POU6F2: variants seen among roughly 807,000 people sequenced by gnomAD.
The protein encoded by POU6F2 is POU class 6 homeobox 2.
A neutral mutation model predicts 71.3 loss-of-function variants in POU6F2; 31 were observed. The ratio of observed to expected loss-of-function variants is 0.43; its 90% CI spans 0.33 to 0.59. The LOEUF is 0.59. Ranked by LOEUF, POU6F2 falls within the 20% of genes least tolerant of loss-of-function variation. The probability of loss-of-function intolerance (pLI) is 0.04; values close to 1 mark genes in which losing one functional copy is unlikely to be tolerated. For missense variants in POU6F2, 783 were observed against 856.8 expected, an observed-to-expected ratio of 0.91 and a Z score of 1.07; for synonymous variants, 347 against 355.7, an observed-to-expected ratio of 0.98 and a Z score of 0.27.
At chr7:39,462,318 T>C (rs1022799774) in intron 9 of POU6F2, among the ~76,000 whole-genome samples, 3 of 152,200 alleles carry the variant, frequency 2.0e-5, no homozygotes, top group Non-Finnish European at 4.4e-5. Context: ...GAGATCGTTT[T>C]AGGAGCTATC....
In POU6F2 at chr7:39,207,745, A is replaced by G. The variant is rs1462083332; in HGVS notation, c.598+125A>G. ...CAGAGTTGCTTCTGCCCTAAATGAT[A>G]TGGAAGGCTTCCACAGGAAGCAAAA... On this transcript the variant is annotated intron_variant, in intron 4 of 9. Coordinates refer to ENST00000518318, the MANE Select transcript of POU6F2 (RefSeq NM_001370959.1). 3.4e-6 allele frequency: 3 copies of G among 878,332 alleles called. No homozygotes were observed. The East Asian group carries it at 8.0e-5, about 23-fold the overall frequency. The allele number at this position is 878,332 out of a possible 1,614,324, so 54.4% of individuals were successfully genotyped here. A position where few individuals can be genotyped will look rare whatever the true frequency, so the allele number is the denominator to read the frequency against.
chr7:39,109,222 G>A (rs4543451), intron 2 of POU6F2, among the ~76,000 whole-genome samples: 2,306 of 152,114 alleles, frequency 0.015, 54 homozygotes, highest in African/African-American at 0.047. Context: ...CTAATTTTTT[G>A]TAGAGACTTT....
chr7:39,248,911 C>T (rs571245038), intron 4 of POU6F2, among the ~76,000 whole-genome samples: 11 of 152,262 alleles, frequency 7.2e-5, no homozygotes, highest in African/African-American at 2.6e-4. Context: ...CTCACACTGC[C>T]CCTGGGACAT....
chr7:38,992,098 A>G (rs1169613373), intron 1 of POU6F2, among the ~76,000 whole-genome samples: 1 of 152,148 alleles, frequency 6.6e-6, no homozygotes, highest in Non-Finnish European at 1.5e-5. Flanking sequence ...CTCTAGAGGT[A>G]TGTCCTGGCC....
intron 6 of POU6F2, among the ~76,000 whole-genome samples, chr7:39,419,810 T>C (rs1342165161): frequency 6.6e-6 from 1 of 152,134 alleles, no homozygotes; most frequent in African/African-American, 2.4e-5. Context: ...GCCCACACAT[T>C]AGTGACCGGG....
chr7:38,997,856 T>C, intron 1 of POU6F2, among the ~76,000 whole-genome samples: 1 of 152,212 alleles, frequency 6.6e-6, no homozygotes, highest in African/African-American at 2.4e-5. Flanking sequence ...TTAGAATTTT[T>C]AGAGGAAAGA....
intron 6 of POU6F2, among the ~76,000 whole-genome samples, chr7:39,430,189 C>T (rs565258238): frequency 1.3e-5 from 2 of 152,302 alleles, no homozygotes; most frequent in Admixed American, 6.5e-5. Flanking sequence ...GGGAATATGA[C>T]GAAATTCCCC....
At chr7:39,257,394 G>GA (rs5883680) in intron 4 of POU6F2, among the ~76,000 whole-genome samples, 1 of 151,826 alleles carries the variant, frequency 6.6e-6, no homozygotes, top group Admixed American at 6.6e-5. Context: ...TTTTTGAAGG[G>GA]AAAAAAAATC....
chr7:39,040,695 T>C (rs1226512155), intron 1 of POU6F2, among the ~76,000 whole-genome samples: 1 of 151,994 alleles, frequency 6.6e-6, no homozygotes, highest in Non-Finnish European at 1.5e-5. Flanking sequence ...AATCATTTAT[T>C]ATTTTTCAAT....
chr7:39,305,275 C>G (rs1785028436), intron 4 of POU6F2, among the ~76,000 whole-genome samples: 1 of 152,192 alleles, frequency 6.6e-6, no homozygotes, highest in African/African-American at 2.4e-5. Context: ...AGTAACTTGC[C>G]CAGGGGCATA....
intron 8 of POU6F2, among the ~76,000 whole-genome samples, chr7:39,454,689 T>G (rs1372999167): frequency 0.15 from 5,476 of 35,668 alleles, 958 homozygotes; most frequent in African/African-American, 0.26. Flanking sequence ...TATATATATA[T>G]ATATATATAT....
At chr7:38,995,682 A>T (rs1788715153) in intron 1 of POU6F2, among the ~76,000 whole-genome samples, 1 of 152,198 alleles carries the variant, frequency 6.6e-6, no homozygotes, top group Non-Finnish European at 1.5e-5. Flanking sequence ...TACCAGGCCC[A>T]TCACCTTTTA....
At chr7:39,227,164 A>G (rs1039205638) in intron 4 of POU6F2, among the ~76,000 whole-genome samples, 11 of 152,230 alleles carry the variant, frequency 7.2e-5, no homozygotes, top group African/African-American at 2.2e-4. Flanking sequence ...AATTCTAACT[A>G]TTAAGGTCTT....
chr7:39,232,413 A>G (rs1210396166), intron 4 of POU6F2, among the ~76,000 whole-genome samples: 1 of 152,214 alleles, frequency 6.6e-6, no homozygotes, highest in Admixed American at 6.5e-5. Context: ...GATCAAAGTT[A>G]TCAACTAGAA....
intron 4 of POU6F2, among the ~76,000 whole-genome samples, chr7:39,234,420 C>T (rs1183614872): frequency 1.3e-5 from 2 of 152,066 alleles, no homozygotes; most frequent in Admixed American, 1.3e-4. Context: ...GCCCTGAGTG[C>T]TCTTAAGCCT....
At chr7:39,313,149 C>T (rs1024669416) in intron 4 of POU6F2, among the ~76,000 whole-genome samples, 2 of 152,144 alleles carry the variant, frequency 1.3e-5, no homozygotes, top group African/African-American at 4.8e-5. Flanking sequence ...TTTCCCTTAT[C>T]TTTCCAGCCC....
chr7:39,089,463 G>C (rs1436475423), intron 2 of POU6F2, among the ~76,000 whole-genome samples: 1 of 152,208 alleles, frequency 6.6e-6, no homozygotes, highest in Non-Finnish European at 1.5e-5. Flanking sequence ...CATAGAGCCA[G>C]TCATTTAATA....
rs1439093863 is a variant in POU6F2 at position 39,466,305 on chromosome 7, G to C, written c.*1619G>C. On this transcript the variant is annotated 3_prime_UTR_variant, in exon 10 of 10. Coordinates refer to ENST00000518318, the MANE Select transcript of POU6F2 (RefSeq NM_001370959.1). The stretch of plus-strand genomic sequence containing the variant: ...TTCCTTTAAAAAAAATAACTTAAAA[G>C]ATCTGTGGGCCACAATAACCTAATA... 6.6e-6 allele frequency: 1 copy of C among 152,050 alleles called. No homozygotes were observed. Among genetic ancestry groups the C allele is most frequent in the African/African-American group, 2.4e-5 (1 of 41,382 alleles). The allele number at this position is 152,050 out of a possible 1,614,324, so 9.4% of individuals were successfully genotyped here. A position where few individuals can be genotyped will look rare whatever the true frequency, so the allele number is the denominator to read the frequency against.
At chr7:39,128,033 G>C (rs1792178437) in intron 2 of POU6F2, among the ~76,000 whole-genome samples, 1 of 151,536 alleles carries the variant, frequency 6.6e-6, no homozygotes, top group South Asian at 2.1e-4. Context: ...AGTAGAGATG[G>C]GGTTTCACCG....
Sources: allele counts gnomAD v4.1 joint callset (sites outside exome capture counted in the v4.1 genomes callset), GRCh38; gene constraint gnomAD v4.1.1; transcripts MANE v1.5; gene names NCBI Gene and HGNC (gene_info 2026-07-23, HGNC 2026-07-21).